Variants in TMEM71 observed in about 807,000 individuals in gnomAD.
TMEM71 encodes transmembrane protein 71.
In TMEM71, 44 loss-of-function variants were observed where a neutral mutation model predicts 38.0. That is an observed-to-expected ratio of 1.16 (90% CI 0.91 to 1.49). TMEM71 has a LOEUF of 1.49. Among genes scored for constraint, TMEM71 ranks in the 40% most tolerant of loss-of-function variants. TMEM71 has a pLI of 0.00. For missense variants in TMEM71, 367 were observed against 348.6 expected (o/e 1.05, Z -0.42); for synonymous variants, 133 against 122.5 (o/e 1.09, Z -0.56).
At chr8:132,775,487 G>C in the TMEM71 span, 1 of 376,754 alleles carries the variant, frequency 2.7e-6, no homozygotes, top group Non-Finnish European at 4.7e-6. Flanking sequence ...CGAAACCTTG[G>C]GCGGATCCGG....
intron 5 of TMEM71, among the ~76,000 whole-genome samples, chr8:132,744,124 A>G (rs2467966): frequency 0.3 from 45,269 of 151,974 alleles, 6,956 homozygotes; most frequent in Non-Finnish European, 0.33. Context: ...CATAAGGCCC[A>G]AGAAGACAGG....
chr8:132,758,859 C>T lies in TMEM71; in HGVS notation c.21G>A (p.Leu7=), dbSNP rs752336091. ...ATTTACTTGCTACTGGTGTTGACAT[C>T]AGTTGAGATATTCGGTACATCTTGG... The part of the protein sequence containing the change: MYRISQ[L]MSTPVASSSR... Residue 7 remains leucine, a synonymous_variant, in exon 2 of 10, where the codon CTG becomes CTA. Transcript: ENST00000677595. 6.2e-7 allele frequency: 1 copy of T among 1,613,800 alleles called. No homozygotes were observed.
chr8:132,775,673 A>G, the TMEM71 span: 1 of 331,280 alleles, frequency 3.0e-6, no homozygotes, highest in Non-Finnish European at 5.5e-6. Context: ...CTGAGCCGGC[A>G]GGCCGCCTGG....
intron 5 of TMEM71, among the ~76,000 whole-genome samples, chr8:132,746,508 T>C (rs1328048001): frequency 1.4e-5 from 2 of 141,358 alleles, no homozygotes; most frequent in Admixed American, 7.3e-5. Flanking sequence ...CATATATATG[T>C]ATATATATAT....
At chr8:132,757,108 G>A in intron 3 of TMEM71, 126 bp downstream of exon 3, 1 of 499,842 alleles carries the variant, frequency 2.0e-6, no homozygotes, top group Admixed American at 3.0e-5. Context: ...GTGTTAGCCA[G>A]GATGGTCTCC....
chr8:132,718,424 G>A (rs1321925651), intron 7 of TMEM71, among the ~76,000 whole-genome samples: 1 of 123,192 alleles, frequency 8.1e-6, no homozygotes, highest in African/African-American at 3.3e-5. Context: ...TTGAGACAGA[G>A]TCTCGCTCTG....
downstream of TMEM71, among the ~76,000 whole-genome samples, chr8:132,706,770 C>T (rs1437268044): frequency 3.9e-5 from 6 of 152,148 alleles, no homozygotes; most frequent in Admixed American, 3.9e-4. Context: ...TGTTTCCTTG[C>T]ACAGATATAT....
intron 3 of TMEM71, among the ~76,000 whole-genome samples, chr8:132,752,605 G>C (rs1586805404): frequency 6.6e-6 from 1 of 152,186 alleles, no homozygotes; most frequent in African/African-American, 2.4e-5. Context: ...GTGGTGGCAT[G>C]TGCCTATAGT....
intron 5 of TMEM71, among the ~76,000 whole-genome samples, chr8:132,746,432 TATATATACATATAC>T (rs1828368664): frequency 1.8e-4 from 3 of 16,618 alleles, no homozygotes; most frequent in Admixed American, 1.0e-3. Flanking sequence ...TATATACATA[TATATATACATATAC>T]ATATACATAT....
At chr8:132,718,444 C>T (rs1037252774) in intron 7 of TMEM71, among the ~76,000 whole-genome samples, 1 of 142,362 alleles carries the variant, frequency 7.0e-6, no homozygotes, top group African/African-American at 2.7e-5. Context: ...GTTGCCCAGC[C>T]TGGAGTGCAG....
At chr8:132,758,665 C>T (rs1829165783) in intron 2 of TMEM71, 175 bp downstream of exon 2, 18 of 542,190 alleles carry the variant, frequency 3.3e-5, no homozygotes, top group South Asian at 7.6e-5. Context: ...ACATTTCTTT[C>T]AAGGAAAAAA....
intron 3 of TMEM71, among the ~76,000 whole-genome samples, chr8:132,756,790 T>C (rs889183948): frequency 9.9e-5 from 15 of 151,856 alleles, no homozygotes; most frequent in Non-Finnish European, 1.9e-4. Flanking sequence ...TTTCACCATG[T>C]TTTACCCAGG....
At chr8:132,775,398 G>T in the TMEM71 span, 1 of 380,552 alleles carries the variant, frequency 2.6e-6, no homozygotes, top group Non-Finnish European at 4.6e-6. Context: ...AGGGCTGGCC[G>T]GCGGCGGAGG....
intron 5 of TMEM71, among the ~76,000 whole-genome samples, chr8:132,746,108 C>A (rs1158185870): frequency 6.7e-6 from 1 of 149,580 alleles, no homozygotes; most frequent in African/African-American, 2.5e-5. Context: ...ATAACCCAAA[C>A]CTCAACATCA....
chr8:132,763,628 A>G (rs191672200), upstream of TMEM71, among the ~76,000 whole-genome samples: 2 of 152,326 alleles, frequency 1.3e-5, no homozygotes, highest in Admixed American at 6.5e-5. Context: ...ACTTGCTACT[A>G]TACACAGGAA....
upstream of TMEM71, among the ~76,000 whole-genome samples, chr8:132,762,050 G>A (rs551148176): frequency 1.9e-4 from 29 of 152,166 alleles, no homozygotes; most frequent in Admixed American, 1.6e-3. Flanking sequence ...CACGCAAACT[G>A]GGAAGTGACA....
At chr8:132,732,521 C>T (rs1260432634) in intron 5 of TMEM71, among the ~76,000 whole-genome samples, 1 of 152,088 alleles carries the variant, frequency 6.6e-6, no homozygotes, top group African/African-American at 2.4e-5. Context: ...TGTGGGGTCT[C>T]ATGTCACACT....
At chr8:132,739,794 C>T (rs1411293255) in intron 5 of TMEM71, among the ~76,000 whole-genome samples, 1 of 152,146 alleles carries the variant, frequency 6.6e-6, no homozygotes, top group Non-Finnish European at 1.5e-5. Context: ...GTGAAGTGCT[C>T]AGCATGGAAT....
chr8:132,725,990 G>T (rs991255767), intron 6 of TMEM71, among the ~76,000 whole-genome samples: 4 of 152,112 alleles, frequency 2.6e-5, no homozygotes, highest in Non-Finnish European at 5.9e-5. Context: ...CTTATTAATT[G>T]GTCCACCAGT....
Sources: gnomAD v4.1 joint callset for allele counts (sites outside exome capture counted in the v4.1 genomes callset) on GRCh38, gnomAD v4.1.1 for gene constraint, MANE v1.5 for transcripts, NCBI Gene and HGNC (gene_info 2026-07-23, HGNC 2026-07-21) for gene names.